TRDMT1: variants seen among roughly 807,000 people sequenced by gnomAD.
TRDMT1 encodes the protein tRNA (cytosine(38)-C(5))-methyltransferase.
In TRDMT1, 49 loss-of-function variants were observed where a neutral mutation model predicts 51.2. The observed-to-expected ratio is 0.96, with a 90% CI of 0.76 to 1.21. The LOEUF (loss-of-function observed/expected upper bound fraction) is 1.21, where lower values mean the gene tolerates loss of function less well. Ranked by LOEUF, TRDMT1 falls within the 50% of genes most tolerant of loss-of-function variation. The pLI is 0.00. For synonymous variants in TRDMT1, 187 were observed against 164.6 expected (o/e 1.14, Z -1.04); for missense variants, 534 against 462.3 (o/e 1.16, Z -1.42).
chr10:17,140,744 T>A lies in TRDMT1; in HGVS notation c.*8296A>T, dbSNP rs1032132567. ...ATGAAAACAAAAACAACAAAAAAGA[T>A]CACATTCAATTGAAAAATATAAACA... On this transcript the variant is annotated 3_prime_UTR_variant, in exon 11 of 11. Coordinates refer to ENST00000377799, the MANE Select transcript of TRDMT1 (RefSeq NM_004412.7). Among the ~76,000 whole-genome samples, 5 of 114,216 alleles carry A rather than the reference T, an allele frequency of 4.4e-5. No individual in the cohort carries two copies. Among genetic ancestry groups the A allele is most frequent in the South Asian group, 2.9e-4 (1 of 3,454 alleles). 74.9% of individuals were successfully genotyped at this position (114,216 alleles called of 152,430 possible).
chr10:17,152,740 G>C (rs1263953590), intron 10 of TRDMT1, among the ~76,000 whole-genome samples: 1 of 152,158 alleles, frequency 6.6e-6, no homozygotes, highest in African/African-American at 2.4e-5. Context: ...GGGCATCTCT[G>C]AGAAGGCCAA....
rs572262825 is a variant in TRDMT1 at position 17,166,072 on chromosome 10, G to A, written c.251+2769C>T. 1.6e-3 allele frequency among the ~76,000 whole-genome samples: 240 copies of A among 152,200 alleles called. 1 individual carries two copies. Among genetic ancestry groups the A allele is most frequent in the African/African-American group, 5.5e-3 (227 of 41,514 alleles). On this transcript the variant is annotated intron_variant, in intron 3 of 10. Transcript: ENST00000377799. Reference sequence around the variant, plus strand: ...TGCTGCTATAAAGACACATGCACACGTATGTTTATTGTGGCACTATTCACA... The same window carrying A: ...TGCTGCTATAAAGACACATGCACACATATGTTTATTGTGGCACTATTCACA...
Position 17,172,943 on chromosome 10 carries a change from G to C in TRDMT1, c.174+1608C>G, listed in dbSNP as rs547225880. On this transcript the variant is annotated intron_variant, in intron 2 of 10. Coordinates refer to ENST00000377799, the MANE Select transcript of TRDMT1 (RefSeq NM_004412.7). The stretch of plus-strand genomic sequence containing the variant: ...CTTCCACAAGTAAAAGATGCATCTT[G>C]TAAACCCTAGAGAATCCAACAGGAA... 3.3e-5 allele frequency among the ~76,000 whole-genome samples: 5 copies of C among 152,154 alleles called. No homozygotes were observed. The South Asian group carries it at 8.3e-4, about 25-fold the overall frequency.
rs900094872 is a variant in TRDMT1, at chr10:17,145,099, T to A, written c.*3941A>T. 1.6e-5 allele frequency: 10 copies of A among 611,828 alleles called. No individual in the cohort carries two copies. The highest frequency in any genetic ancestry group is 1.6e-5 in the Non-Finnish European group (8 of 488,856). 37.9% of individuals were successfully genotyped at this position (611,828 alleles called of 1,614,324 possible). A position where few individuals can be genotyped will look rare whatever the true frequency, so the allele number is the denominator to read the frequency against. ...ACCCGATCTCTACTAATACAAAAAT[T>A]AGCTAGGTGTGGTGGCATGCGCCTG... is the stretch of plus-strand genomic sequence containing the variant. On this transcript the variant is annotated 3_prime_UTR_variant, in exon 11 of 11. Transcript: ENST00000377799.
At position 17,145,524 on chromosome 10, in the gene TRDMT1, G is replaced by C; in HGVS notation, c.*3516C>G. 1 of 985,448 alleles carries C rather than the reference G, an allele frequency of 1.0e-6. No individual in the cohort carries two copies. The highest frequency in any genetic ancestry group is 1.2e-6 in the Non-Finnish European group (1 of 829,934). The allele number at this position is 985,448 out of a possible 1,614,324, so 61.0% of individuals were successfully genotyped here. ...GCTGAGGCTATATGACCCTCACACA[G>C]TTTCAAAGTCCAAAGCTATTAGTAA... On this transcript the variant is annotated 3_prime_UTR_variant, in exon 11 of 11. Coordinates refer to ENST00000377799, the MANE Select transcript of TRDMT1 (RefSeq NM_004412.7).
rs1489528735 is a variant in TRDMT1, at chr10:17,174,548, C to A, written c.174+3G>T. ...ACTTATTAAAACAATGACAATTACT[C>A]ACTTCAATCGTCTTGGCAAGTAACT... On this transcript the variant is annotated splice_donor_region_variant and intron_variant, in intron 2 of 10. Transcript: ENST00000377799. 4 of 1,578,768 alleles carry A rather than the reference C, an allele frequency of 2.5e-6. No homozygotes were observed. Among genetic ancestry groups the A allele is most frequent in the Non-Finnish European group, 3.5e-6 (4 of 1,148,182 alleles).
chr10:17,173,526 C>T (rs565712602), intron 2 of TRDMT1, among the ~76,000 whole-genome samples: 10 of 152,144 alleles, frequency 6.6e-5, no homozygotes, highest in South Asian at 2.1e-4. Flanking sequence ...GATCCATTGT[C>T]GCCTGGGTTG....
At chr10:17,154,037 A>C (rs549496334) in intron 9 of TRDMT1, among the ~76,000 whole-genome samples, 2 of 152,346 alleles carry the variant, frequency 1.3e-5, no homozygotes, top group East Asian at 3.9e-4. Flanking sequence ...AGGTTCATCA[A>C]GATACTTCCT....
chr10:17,154,064 A>G (rs1047595762), intron 9 of TRDMT1, among the ~76,000 whole-genome samples: 2 of 152,232 alleles, frequency 1.3e-5, no homozygotes, highest in Non-Finnish European at 2.9e-5. Flanking sequence ...GATTAAATAT[A>G]TTAAGCAAAT....
rs150560333 is a variant in TRDMT1 at position 17,195,541 on chromosome 10, C to T, written c.64+6030G>A. Among the ~76,000 whole-genome samples the T allele has an allele frequency of 3.3e-5, 5 of 152,026 alleles. No homozygotes were observed. The East Asian group carries it at 9.7e-4, about 29-fold the overall frequency. On this transcript the variant is annotated intron_variant, in intron 1 of 10. Transcript: ENST00000377799. ...TGGTGGGATCATTGATACCTCACAT[C>T]TGAGCATCACACAATATACCTAAGT...
intron 1 of TRDMT1, among the ~76,000 whole-genome samples, chr10:17,200,938 TC>T (rs1564359482): frequency 6.6e-6 from 1 of 152,182 alleles, no homozygotes; most frequent in Non-Finnish European, 1.5e-5. Flanking sequence ...AACAGGTTCA[TC>T]ACTGTTCACG....
chr10:17,198,438 T>G (rs1845733438), intron 1 of TRDMT1, among the ~76,000 whole-genome samples: 1 of 152,220 alleles, frequency 6.6e-6, no homozygotes, highest in African/African-American at 2.4e-5. Flanking sequence ...CACAAAATTG[T>G]ACAGCTATAC....
At chr10:17,163,377 T>C (rs1260752140) in intron 3 of TRDMT1, among the ~76,000 whole-genome samples, 1 of 152,066 alleles carries the variant, frequency 6.6e-6, no homozygotes, top group African/African-American at 2.4e-5. Context: ...AGCATGTGTA[T>C]AGAGGGAAAT....
At chr10:17,170,124 G>T (rs971056350) in intron 2 of TRDMT1, among the ~76,000 whole-genome samples, 2 of 152,102 alleles carry the variant, frequency 1.3e-5, no homozygotes, top group African/African-American at 4.8e-5. Context: ...GTCTAGAATC[G>T]AAAGGAAGTA....
intron 6 of TRDMT1, 48 bp from the exon 7 acceptor site, chr10:17,159,277 C>A (rs201226608): frequency 1.7e-5 from 24 of 1,389,244 alleles, no homozygotes; most frequent in Non-Finnish European, 2.4e-5. Flanking sequence ...TTAAAGAGAG[C>A]GGTACCAACT....
intron 2 of TRDMT1, among the ~76,000 whole-genome samples, chr10:17,172,533 G>A (rs1842161474): frequency 6.6e-6 from 1 of 152,042 alleles, no homozygotes; most frequent in South Asian, 2.1e-4. Context: ...ATATTTCACA[G>A]TGAAGACAAA....
At chr10:17,197,171 T>C (rs1845566057) in intron 1 of TRDMT1, among the ~76,000 whole-genome samples, 1 of 152,096 alleles carries the variant, frequency 6.6e-6, no homozygotes, top group South Asian at 2.1e-4. Context: ...GGGTTGCAAC[T>C]AAGAACTACA....
At position 17,142,805 on chromosome 10, in the gene TRDMT1, C is replaced by G. The variant is rs1329915399; in HGVS notation, c.*6235G>C. On this transcript the variant is annotated 3_prime_UTR_variant, in exon 11 of 11. Transcript: ENST00000377799. Reference sequence around the variant, plus strand: ...TCAGATGTCTTGGAACCATGTTGTTCCTCTAGTCTTGGGGTCCCTCCGCAG... The same window carrying G: ...TCAGATGTCTTGGAACCATGTTGTTGCTCTAGTCTTGGGGTCCCTCCGCAG... 4.8e-6 allele frequency: 1 copy of G among 209,936 alleles called. No homozygotes were observed. The highest frequency in any genetic ancestry group is 2.4e-5 in the African/African-American group (1 of 42,454). The allele number at this position is 209,936 out of a possible 1,614,324, so 13.0% of individuals were successfully genotyped here. A position where few individuals can be genotyped will look rare whatever the true frequency, so the allele number is the denominator to read the frequency against.
Position 17,148,982 on chromosome 10 carries a change from A to G in TRDMT1, c.*58T>C. 1 of 1,490,898 alleles carries G rather than the reference A, an allele frequency of 6.7e-7. No homozygotes were observed. Among genetic ancestry groups the G allele is most frequent in the Non-Finnish European group, 9.0e-7 (1 of 1,113,396 alleles). The allele number at this position is 1,490,898 out of a possible 1,614,324, so 92.4% of individuals were successfully genotyped here. A position where few individuals can be genotyped will look rare whatever the true frequency, so the allele number is the denominator to read the frequency against. Reference sequence around the variant, plus strand: ...GAATTAGTTCAAAACAGAATTTCAGAATTACTCTCTGAAAATGAAGGAATA... The same window carrying G: ...GAATTAGTTCAAAACAGAATTTCAGGATTACTCTCTGAAAATGAAGGAATA... On this transcript the variant is annotated 3_prime_UTR_variant, in exon 11 of 11. Transcript: ENST00000377799.
Sources: gnomAD v4.1 joint callset for allele counts (sites outside exome capture counted in the v4.1 genomes callset) on GRCh38, gnomAD v4.1.1 for gene constraint, MANE v1.5 for transcripts, NCBI Gene and HGNC (gene_info 2026-07-23, HGNC 2026-07-21) for gene names.